The following PASK variants were observed in gnomAD, a reference collection of about 807,000 sequenced individuals.
The protein encoded by PASK is PAS domain-containing serine/threonine-protein kinase.
A neutral mutation model predicts 121.0 loss-of-function variants in PASK; 110 were observed. The ratio of observed to expected loss-of-function variants is 0.91; its 90% confidence interval spans 0.78 to 1.06. PASK has a LOEUF of 1.06. PASK is among the 50% of genes least tolerant of loss of function. The pLI, the probability that PASK is intolerant of heterozygous loss-of-function variation, is 0.00. For synonymous variants in PASK, 686 were observed against 717.8 expected (o/e 0.96, Z 0.71); for missense variants, 1,643 against 1,702.3 (o/e 0.97, Z 0.61).
intron 6 of PASK, among the ~76,000 whole-genome samples, chr2:241,137,533 A>G (rs2066496019): frequency 6.6e-6 from 1 of 150,448 alleles, no homozygotes; most frequent in Non-Finnish European, 1.5e-5. Flanking sequence ...GGGGCCGGGC[A>G]CCAGCAGGGA....
At position 241,122,731 on chromosome 2, in the gene PASK, C is replaced by T. The variant is rs778855787; in HGVS notation, c.3072+1G>A. 9.3e-6 allele frequency: 15 copies of T among 1,613,978 alleles called. No homozygotes were observed. The South Asian group carries it at 1.6e-4, about 18-fold the overall frequency. On this transcript the variant is annotated splice_donor_variant, in intron 12 of 17. Transcript: ENST00000234040. LOFTEE classifies it high-confidence loss of function. ...CCACTCCCCCCCCACAGCCAGGTTA[C>T]CTCCTTGTTTTTTTCCTTGTCCACA...
Position 241,122,738 on chromosome 2 carries a change from G to C in PASK, c.3066C>G (p.Asn1022Lys). 1 of 1,613,808 alleles carries C rather than the reference G, an allele frequency of 6.2e-7. No individual in the cohort carries two copies. The change falls in exon 12 of 18, where the codon AAC becomes AAG. Residue 1022 changes from asparagine (N) to lysine (K), a missense_variant. By Grantham distance (94) the Asn-to-Lys change is moderately conservative. This residue lies in a region of PASK where 453 missense variants were observed against 511.2 expected (regional missense o/e 0.89). Transcript: ENST00000234040. ...CCCCCCACAGCCAGGTTACCTCCTT[G>C]TTTTTTTCCTTGTCCACAGCAGTCC... ...FVWTAVDKEK[N>K]KEVVVKFIKK...
chr2:241,126,877 C>T lies in PASK; in HGVS notation c.2038G>A (p.Ala680Thr), dbSNP rs764936793. Residue 680 changes from alanine to threonine, a missense_variant, in exon 10 of 18, where the codon GCC (alanine) becomes ACC (threonine). Physicochemically the swap from Ala to Thr is moderately conservative, Grantham distance 58 (BLOSUM62 0). Transcript: ENST00000234040. Reference protein sequence around the residue: ...SLAGALDVPHAELVPTECQAV... With the variant: ...SLAGALDVPHTELVPTECQAV... ...TGGCACTCTGTCGGAACGAGTTCGG[C>T]GTGGGGGACATCCAGGGCTCCTGCA... The T allele has an allele frequency of 5.6e-6, 9 of 1,612,996 alleles. No homozygotes were observed. Among genetic ancestry groups the T allele is most frequent in the Middle Eastern group, 1.7e-4 (1 of 6,056 alleles).
rs1356215952 is a variant in PASK at position 241,127,152 on chromosome 2, G to A, written c.1763C>T (p.Ala588Val). ...VSGPSGSDLW[A>V]GAAVAKPQAK... Reference sequence around the variant, plus strand: ...CTGGGGCTTGGCCACGGCAGCCCCAGCCCAAAGGTCTGAACCGCTGGGACC... The same window carrying A: ...CTGGGGCTTGGCCACGGCAGCCCCAACCCAAAGGTCTGAACCGCTGGGACC... The change falls in exon 10 of 18, where the codon GCT becomes GTT. Residue 588 changes from alanine to valine, a missense_variant. Ala to Val is a moderately conservative substitution (Grantham distance 64, BLOSUM62 0). Around this residue, in one of 3 missense-constraint regions of PASK, gnomAD observed 1,176 missense variants for 1,162.2 expected, o/e 1.01. Transcript: ENST00000234040. The A allele has an allele frequency of 1.2e-6, 2 of 1,614,016 alleles. No individual in the cohort carries two copies. Among genetic ancestry groups the A allele is most frequent in the African/African-American group, 1.3e-5 (1 of 75,076 alleles).
upstream of PASK, chr2:241,150,051 A>G: frequency 1.5e-6 from 2 of 1,364,502 alleles, no homozygotes; most frequent in Non-Finnish European, 9.4e-7. Flanking sequence ...CGCAGAGGTC[A>G]GGGATGCACG....
chr2:241,128,832 T>C (rs116434447), intron 9 of PASK, among the ~76,000 whole-genome samples: 367 of 151,232 alleles, frequency 2.4e-3, no homozygotes, highest in South Asian at 3.8e-3. Context: ...ACCACTGCAC[T>C]CCAGCCTGGG....
chr2:241,139,909 G>C lies in PASK; in HGVS notation c.576C>G (p.His192Gln). The change falls in exon 4 of 18, where the codon CAC (histidine) becomes CAG (glutamine). Residue 192 changes from histidine to glutamine, a missense_variant. His to Gln is a conservative substitution (Grantham distance 24, BLOSUM62 0). Coordinates refer to ENST00000234040, the MANE Select transcript of PASK (RefSeq NM_015148.4). ...LSEEHMEADG[H>Q]AAVVFGTVVD... Reference sequence around the variant, plus strand: ...CCACCGTGCCAAACACCACCGCAGCGTGGCCGTCGGCCTCCATGTGCTCCT... The same window carrying C: ...CCACCGTGCCAAACACCACCGCAGCCTGGCCGTCGGCCTCCATGTGCTCCT... 6.2e-7 allele frequency: 1 copy of C among 1,614,116 alleles called. No homozygotes were observed. Among genetic ancestry groups the C allele is most frequent in the Non-Finnish European group, 8.5e-7 (1 of 1,179,986 alleles).
chr2:241,127,192 G>A lies in PASK; in HGVS notation c.1723C>T (p.Arg575Trp), dbSNP rs770342439. ...CGLCQKAQLE[R>W]MGVSGPSGSD... ...CCGCTGGGACCACTGACTCCCATCC[G>A]CTCTAGCTGGGCCTTCTGACACAGG... is the stretch of plus-strand genomic sequence containing the variant. The change falls in exon 10 of 18, where the codon CGG becomes TGG. Residue 575 changes from arginine to tryptophan, a missense_variant. Physicochemically the swap from Arg to Trp is moderately radical, Grantham distance 101 (BLOSUM62 -3). Coordinates refer to ENST00000234040, the MANE Select transcript of PASK (RefSeq NM_015148.4). 25 of 1,614,086 alleles carry A rather than the reference G, an allele frequency of 1.5e-5. No individual in the cohort carries two copies. The highest frequency in any genetic ancestry group is 1.2e-4 in the South Asian group (11 of 91,088).
chr2:241,149,907 C>T (rs371007685), upstream of PASK: 1,714 of 1,435,754 alleles, frequency 1.2e-3, 13 homozygotes, highest in African/African-American at 0.022. Flanking sequence ...AGCGCAAGTG[C>T]CCCGCACCTG....
At chr2:241,143,484 G>C (rs1280848306) in intron 1 of PASK, among the ~76,000 whole-genome samples, 1 of 151,622 alleles carries the variant, frequency 6.6e-6, no homozygotes, top group African/African-American at 2.4e-5. Flanking sequence ...CCGGGAGGCA[G>C]AGCTTGCAGT....
intron 1 of PASK, among the ~76,000 whole-genome samples, chr2:241,146,576 A>G (rs7570225): frequency 0.79 from 119,882 of 152,194 alleles, 47,337 homozygotes; most frequent in East Asian, 0.92. Context: ...GAAAACAAAT[A>G]AACTACACAC....
intron 10 of PASK, among the ~76,000 whole-genome samples, chr2:241,125,871 G>A (rs976717847): frequency 1.3e-5 from 2 of 152,062 alleles, no homozygotes; most frequent in African/African-American, 4.8e-5. Context: ...ACACCCCCAC[G>A]CTTCTCCTGC....
intron 1 of PASK, among the ~76,000 whole-genome samples, chr2:241,146,041 C>T (rs531198005): frequency 6.6e-6 from 1 of 152,132 alleles, no homozygotes; most frequent in African/African-American, 2.4e-5. Context: ...TTGCCACATA[C>T]ATAACCAACA....
At chr2:241,130,075 C>T (rs1268473009) in intron 9 of PASK, among the ~76,000 whole-genome samples, 2 of 152,152 alleles carry the variant, frequency 1.3e-5, no homozygotes, top group African/African-American at 2.4e-5. Context: ...AAAAGCACTC[C>T]GTACAGCTCA....
At chr2:241,146,384 A>C (rs1162634067) in intron 1 of PASK, among the ~76,000 whole-genome samples, 1 of 152,248 alleles carries the variant, frequency 6.6e-6, no homozygotes, top group Non-Finnish European at 1.5e-5. Context: ...ACAGATAAGA[A>C]GACACCAGAA....
At chr2:241,133,162 C>A (rs781562522) in intron 8 of PASK, 132 bp from the exon 9 acceptor site, 1 of 873,274 alleles carries the variant, frequency 1.1e-6, no homozygotes, top group Non-Finnish European at 1.9e-6. Flanking sequence ...CCACCCCAGG[C>A]GTCCCAGGTC....
intron 2 of PASK, chr2:241,140,956 C>T (rs757541830): frequency 1.8e-5 from 11 of 617,256 alleles, no homozygotes; most frequent in Admixed American, 4.9e-5. Flanking sequence ...CAGGTCCACT[C>T]GGAAGCACAA....
chr2:241,129,031 T>TCCATGCCTCCCATCTCTCTCTCCCC (rs2066007078), intron 9 of PASK, among the ~76,000 whole-genome samples: 2 of 140,700 alleles, frequency 1.4e-5, no homozygotes, highest in Non-Finnish European at 3.1e-5. Context: ...CCTCTCTCCC[T>TCCATGCCTCCCATCTCTCTCTCCCC]CCATGTCTCC....
At chr2:241,110,156 T>C (rs780566931) in intron 15 of PASK, among the ~76,000 whole-genome samples, 80 of 152,226 alleles carry the variant, frequency 5.3e-4, no homozygotes, top group Non-Finnish European at 9.8e-4. Context: ...GGCCACAACA[T>C]GGATGGACCT....
Sources: gnomAD v4.1 joint callset for allele counts (sites outside exome capture counted in the v4.1 genomes callset) on GRCh38, gnomAD v4.1.1 for gene constraint, gnomAD v4.1.1 regional missense constraint, MANE v1.5 for transcripts, NCBI Gene and HGNC (gene_info 2026-07-23, HGNC 2026-07-21) for gene names.